XG: variants seen among roughly 807,000 people sequenced by gnomAD.
XG encodes Xg glycoprotein (Xg blood group).
Under a neutral mutation model 25.7 loss-of-function variants are expected in XG, and 24 were observed. That is an observed-to-expected ratio of 0.93 (90% CI 0.68 to 1.31). XG has a LOEUF of 1.31. XG is among the 40% of genes most tolerant of loss of function. XG has a pLI of 0.00. For synonymous variants in XG, 77 were observed against 69.2 expected (o/e 1.11, Z -0.56); for missense variants, 181 against 187.6 (o/e 0.96, Z 0.21).
At chrX:2,782,740 A>G (rs2086743293) in intron 4 of XG, among the ~76,000 whole-genome samples, 1 of 111,655 alleles carries the variant, frequency 9.0e-6, no homozygotes, top group Non-Finnish European at 1.9e-5. Context: ...AGGTTTTACA[A>G]TAGTGATGTT....
chrX:2,769,123 A>C (rs2050760928), intron 1 of XG, among the ~76,000 whole-genome samples: 1 of 152,208 alleles, frequency 6.6e-6, no homozygotes, highest in South Asian at 2.1e-4. Context: ...TTGCCTCCAC[A>C]AGGAGCGGCA....
chrX:2,808,036 G>GA (rs1482780283), intron 8 of XG, 149 bp from the exon 9 acceptor site: 1 of 567,697 alleles, frequency 1.8e-6, no homozygotes, highest in East Asian at 3.6e-5. Flanking sequence ...ATGCTGCTTG[G>GA]CTGTCCCCCT....
chrX:2,807,441 C>T (rs781095230), intron 8 of XG, among the ~76,000 whole-genome samples: 2 of 111,162 alleles, frequency 1.8e-5, no homozygotes, highest in African/African-American at 6.5e-5. Flanking sequence ...CACACACACA[C>T]ATGAATGTGT....
chrX:2,791,589 C>T (rs940886272), intron 5 of XG, among the ~76,000 whole-genome samples: 2 of 109,686 alleles, frequency 1.8e-5, no homozygotes, highest in Admixed American at 1.0e-4. Context: ...CCTCTGCATT[C>T]CCGTACTCCA....
chrX:2,794,628 C>G, intron 6 of XG, 25 bp downstream of exon 6: 2 of 1,204,598 alleles, frequency 1.7e-6, no homozygotes, highest in Non-Finnish European at 2.2e-6. Context: ...TCCCCAGATG[C>G]GACACATTGA....
chrX:2,811,891 T>C (rs985826376), intron 10 of XG, among the ~76,000 whole-genome samples: 4 of 112,068 alleles, frequency 3.6e-5, no homozygotes, highest in Non-Finnish European at 7.5e-5. Flanking sequence ...CCACCGTGCC[T>C]GGCCAACAAT....
At chrX:2,767,678 G>T (rs1294030584) in intron 1 of XG, among the ~76,000 whole-genome samples, 4 of 152,168 alleles carry the variant, frequency 2.6e-5, no homozygotes, top group African/African-American at 9.7e-5. Context: ...GACCCGTGAG[G>T]ACCCCAGGCG....
intron 7 of XG, among the ~76,000 whole-genome samples, chrX:2,802,002 C>T (rs998091182): frequency 4.5e-5 from 5 of 111,142 alleles, no homozygotes; most frequent in African/African-American, 6.5e-5. Context: ...CCACCGCGCC[C>T]GGCCACAGCT....
intron 1 of XG, among the ~76,000 whole-genome samples, chrX:2,769,517 A>C (rs2535444): frequency 1.3e-5 from 2 of 151,948 alleles, no homozygotes; most frequent in Non-Finnish European, 1.5e-5. Flanking sequence ...AACTCAATGC[A>C]TAGTAAGTGC....
At chrX:2,785,361 G>T (rs1426837579) in intron 4 of XG, among the ~76,000 whole-genome samples, 1 of 111,762 alleles carries the variant, frequency 8.9e-6, no homozygotes, top group Non-Finnish European at 1.9e-5. Context: ...GGTGTACATT[G>T]CCAGGGTGAA....
intron 6 of XG, among the ~76,000 whole-genome samples, chrX:2,797,023 C>T (rs992164423): frequency 8.1e-5 from 9 of 111,655 alleles, no homozygotes; most frequent in Non-Finnish European, 1.5e-4. Flanking sequence ...GAAGCGGGTG[C>T]GCCTGCGTGA....
intron 8 of XG, among the ~76,000 whole-genome samples, chrX:2,807,303 T>TGTGTGCATGTGGATAGATGCAGGA (rs2087008486): frequency 8.8e-6 from 1 of 113,321 alleles, no homozygotes; most frequent in South Asian, 3.5e-4. Context: ...TGCAAGCACA[T>TGTGTGCATGTGGATAGATGCAGGA]GTGTGCATGT....
intron 3 of XG, among the ~76,000 whole-genome samples, chrX:2,775,727 G>T: frequency 6.6e-6 from 1 of 151,984 alleles, no homozygotes; most frequent in Non-Finnish European, 1.5e-5. Context: ...AGGCCGAGGT[G>T]GGCAGATCAT....
At chrX:2,783,910 G>T (rs1444907155) in intron 4 of XG, among the ~76,000 whole-genome samples, 10 of 112,259 alleles carry the variant, frequency 8.9e-5, no homozygotes, top group Non-Finnish European at 3.8e-5. Context: ...AGGAGAGGAA[G>T]GTTACAGTGA....
intron 3 of XG, among the ~76,000 whole-genome samples, chrX:2,776,802 C>G (rs1465165535): frequency 6.6e-6 from 1 of 151,392 alleles, no homozygotes. Context: ...GAGCCGAGAT[C>G]TCCCACTGCA....
intron 10 of XG, among the ~76,000 whole-genome samples, chrX:2,814,066 G>A (rs1288726531): frequency 9.0e-6 from 1 of 111,312 alleles, no homozygotes; most frequent in Non-Finnish European, 1.9e-5. Flanking sequence ...TCCTTCTGCC[G>A]AATGTAAAGC....
At chrX:2,759,667 C>T (rs1320207243) in intron 1 of XG, among the ~76,000 whole-genome samples, 1 of 152,198 alleles carries the variant, frequency 6.6e-6, no homozygotes, top group Non-Finnish European at 1.5e-5. Context: ...CAGACAAGCA[C>T]GGAGTCCAAG....
At chrX:2,784,258 G>A (rs1270336157) in intron 4 of XG, among the ~76,000 whole-genome samples, 6 of 110,974 alleles carry the variant, frequency 5.4e-5, no homozygotes, top group Non-Finnish European at 9.4e-5. Context: ...ACAGACTGCC[G>A]TGGGCTTCCC....
chrX:2,798,783 G>A (rs367572479), intron 7 of XG, among the ~76,000 whole-genome samples: 1 of 111,607 alleles, frequency 9.0e-6, no homozygotes, highest in African/African-American at 3.2e-5. Flanking sequence ...TGGGATTACA[G>A]ACGTGAGCCA....
Sources: allele counts gnomAD v4.1 joint callset (sites outside exome capture counted in the v4.1 genomes callset), GRCh38; gene constraint gnomAD v4.1.1; transcripts MANE v1.5; gene names NCBI Gene and HGNC (gene_info 2026-07-23, HGNC 2026-07-21).